POU6F2: variants seen among roughly 807,000 people sequenced by gnomAD.
POU6F2 encodes the protein POU domain, class 6, transcription factor 2.
POU6F2 carries 31 observed loss-of-function variants against 71.3 expected under a neutral mutation model. The observed-to-expected ratio is 0.43, with a 90% CI of 0.33 to 0.59. The LOEUF (loss-of-function observed/expected upper bound fraction) is 0.59. Ranked by LOEUF, POU6F2 falls within the 20% of genes least tolerant of loss-of-function variation. The pLI is 0.04. For missense variants in POU6F2, 783 were observed against 856.8 expected (o/e 0.91, Z 1.07); for synonymous variants, 347 against 355.7 (o/e 0.98, Z 0.27).
chr7:39,418,975 G>GTA (rs1307295210), intron 6 of POU6F2, among the ~76,000 whole-genome samples: 44 of 140,334 alleles, frequency 3.1e-4, no homozygotes, highest in Middle Eastern at 7.4e-3. Flanking sequence ...GTGTATATAT[G>GTA]TATATATATG....
intron 2 of POU6F2, among the ~76,000 whole-genome samples, chr7:39,171,041 T>A (rs1793209871): frequency 7.0e-6 from 1 of 143,552 alleles, no homozygotes; most frequent in African/African-American, 2.5e-5. Flanking sequence ...TTTTTTTTTT[T>A]ACTTTAAGTT....
At chr7:39,374,237 G>A (rs542601438) in intron 5 of POU6F2, among the ~76,000 whole-genome samples, 1 of 152,208 alleles carries the variant, frequency 6.6e-6, no homozygotes, top group South Asian at 2.1e-4. Context: ...GCATGTATAT[G>A]TGTCTGTGTA....
intron 1 of POU6F2, among the ~76,000 whole-genome samples, chr7:39,082,924 C>T (rs767734300): frequency 3.3e-5 from 5 of 151,886 alleles, no homozygotes; most frequent in Non-Finnish European, 5.9e-5. Flanking sequence ...GAATGACAAA[C>T]TCTTGGATTT....
rs1171837880 is a variant in POU6F2, at chr7:39,464,092, G to T, written c.1659-90G>T. On this transcript the variant is annotated intron_variant, in intron 9 of 9. Transcript: ENST00000518318. The surrounding 1 kb of genome is among the most constrained non-coding windows in gnomAD (Gnocchi z 4.1). ...CTGGCTATTAACCTGCAGTAAATTC[G>T]CCCTGCCAGGCAGTCAGGCAGGCAG... 1 of 1,478,464 alleles carries T rather than the reference G, an allele frequency of 6.8e-7. No individual in the cohort carries two copies. The allele number at this position is 1,478,464 out of a possible 1,614,324, so 91.6% of individuals were successfully genotyped here.
intron 4 of POU6F2, among the ~76,000 whole-genome samples, chr7:39,221,051 G>C (rs537466248): frequency 3.9e-5 from 6 of 152,124 alleles, no homozygotes; most frequent in East Asian, 1.9e-4. Flanking sequence ...AATAATTTCA[G>C]CTTTAAATTT....
At chr7:39,324,091 G>A (rs1785457352) in intron 4 of POU6F2, among the ~76,000 whole-genome samples, 1 of 133,172 alleles carries the variant, frequency 7.5e-6, no homozygotes, top group African/African-American at 2.8e-5. Context: ...CTGGGGACAA[G>A]AGCAAAACTA....
chr7:39,091,370 T>C (rs1418358230), intron 2 of POU6F2, among the ~76,000 whole-genome samples: 2 of 152,196 alleles, frequency 1.3e-5, no homozygotes, highest in Non-Finnish European at 2.9e-5. Flanking sequence ...GGAAGTTCAA[T>C]ATTGCAGTGT....
intron 4 of POU6F2, among the ~76,000 whole-genome samples, chr7:39,245,915 G>C (rs181852795): frequency 6.6e-6 from 1 of 152,250 alleles, no homozygotes; most frequent in East Asian, 1.9e-4. Flanking sequence ...GCAAAGTCCA[G>C]ATGGCATTTT....
chr7:39,435,343 G>T (rs1195633091), intron 7 of POU6F2, among the ~76,000 whole-genome samples: 3 of 152,140 alleles, frequency 2.0e-5, no homozygotes, highest in Non-Finnish European at 4.4e-5. Flanking sequence ...GCATGAGATG[G>T]TATCTCATTG....
intron 5 of POU6F2, among the ~76,000 whole-genome samples, chr7:39,388,347 A>T (rs1464800917): frequency 6.6e-6 from 1 of 151,756 alleles, no homozygotes; most frequent in Non-Finnish European, 1.5e-5. Context: ...TCAGAGTCTC[A>T]CTCTGTTGTC....
chr7:39,207,267 T>TTAAAAA, intron 3 of POU6F2, 125 bp from the exon 4 acceptor site: 1 of 804,930 alleles, frequency 1.2e-6, no homozygotes, highest in Non-Finnish European at 1.9e-6. Flanking sequence ...TTTAATGAGA[T>TTAAAAA]AGGGCATGTT....
chr7:39,030,543 T>TATATATATATAC (rs1491146903), intron 1 of POU6F2, among the ~76,000 whole-genome samples: 48 of 87,978 alleles, frequency 5.5e-4, no homozygotes, highest in South Asian at 1.5e-3. Flanking sequence ...TATATATATA[T>TATATATATATAC]ACACACACAT....
intron 1 of POU6F2, among the ~76,000 whole-genome samples, chr7:39,075,621 C>T (rs1024659944): frequency 6.6e-6 from 1 of 152,158 alleles, no homozygotes; most frequent in East Asian, 1.9e-4. Flanking sequence ...GCTTCTAATA[C>T]GCTGTGTGTT....
intron 6 of POU6F2, among the ~76,000 whole-genome samples, chr7:39,432,247 G>A (rs937277254): frequency 2.0e-5 from 3 of 152,126 alleles, no homozygotes; most frequent in African/African-American, 7.2e-5. Flanking sequence ...GCCACTGGAT[G>A]CAGAGAAGAG....
At chr7:39,335,190 C>T (rs1266571724) in intron 4 of POU6F2, among the ~76,000 whole-genome samples, 2 of 152,180 alleles carry the variant, frequency 1.3e-5, no homozygotes, top group Non-Finnish European at 2.9e-5. Flanking sequence ...TCCATTCATA[C>T]CTCTCACCTC....
intron 2 of POU6F2, among the ~76,000 whole-genome samples, chr7:39,091,204 A>G (rs760072028): frequency 3.3e-5 from 5 of 152,174 alleles, no homozygotes; most frequent in African/African-American, 1.2e-4. Flanking sequence ...ACTTTTCACC[A>G]TATTTGTTTG....
chr7:39,461,768 C>G (rs1788955105), intron 9 of POU6F2, among the ~76,000 whole-genome samples: 1 of 152,174 alleles, frequency 6.6e-6, no homozygotes, highest in South Asian at 2.1e-4. Context: ...ATAGGATCCT[C>G]TCACTTCTAT....
chr7:39,007,685 C>G (rs1789119683), intron 1 of POU6F2, among the ~76,000 whole-genome samples: 1 of 151,820 alleles, frequency 6.6e-6, no homozygotes. Context: ...ACTCCCCCAA[C>G]CCCACCACAG....
At chr7:39,070,644 A>G (rs1158408349) in intron 1 of POU6F2, among the ~76,000 whole-genome samples, 2 of 151,926 alleles carry the variant, frequency 1.3e-5, no homozygotes, top group African/African-American at 4.8e-5. Flanking sequence ...CCTCCAGCGC[A>G]GGGCCTTTCC....
Sources: allele counts gnomAD v4.1 joint callset (sites outside exome capture counted in the v4.1 genomes callset), GRCh38; gene constraint gnomAD v4.1.1; non-coding constraint Gnocchi (gnomAD v3.1); transcripts MANE v1.5; gene names NCBI Gene and HGNC (gene_info 2026-07-23, HGNC 2026-07-21).